The following TENM2 variants were observed in gnomAD, a reference collection of about 807,000 sequenced individuals.
The protein encoded by TENM2 is teneurin-2.
TENM2 carries 52 observed loss-of-function variants against 245.2 expected under a neutral mutation model. That is an observed-to-expected ratio of 0.21 (90% CI 0.17 to 0.27). The LOEUF is 0.27. Ranked by LOEUF, TENM2 falls within the 10% of genes least tolerant of loss-of-function variation. The pLI, the probability that TENM2 is intolerant of heterozygous loss-of-function variation, is 1.00. For synonymous variants in TENM2, 1,363 were observed against 1,438.9 expected, an observed-to-expected ratio of 0.95 and a Z score of 1.19; for missense variants, 3,046 against 3,666.8, an observed-to-expected ratio of 0.83 and a Z score of 4.37.
chr5:167,552,432 T>G (rs1243813752), intron 2 of TENM2, among the ~76,000 whole-genome samples: 1 of 152,222 alleles, frequency 6.6e-6, no homozygotes, highest in Non-Finnish European at 1.5e-5. Context: ...TCATCTAATA[T>G]TTTTGAAACG....
intron 2 of TENM2, among the ~76,000 whole-genome samples, chr5:167,634,570 GC>G (rs1263997834): frequency 6.6e-6 from 1 of 151,008 alleles, no homozygotes; most frequent in Non-Finnish European, 1.5e-5. Flanking sequence ...CACTGCTGGT[GC>G]TAGGACTCAC....
intron 3 of TENM2, among the ~76,000 whole-genome samples, chr5:167,884,966 T>C (rs1368643558): frequency 6.6e-6 from 1 of 152,220 alleles, no homozygotes; most frequent in Non-Finnish European, 1.5e-5. Context: ...TGTGAAATGG[T>C]ATTTCTTCAT....
chr5:168,145,395 A>T (rs1296815942), intron 12 of TENM2, among the ~76,000 whole-genome samples: 2 of 135,126 alleles, frequency 1.5e-5, no homozygotes, highest in South Asian at 2.8e-4. Flanking sequence ...AGCTTTCTAC[A>T]TATGGCTAGC....
chr5:167,258,290 A>G, the TENM2 span, among the ~76,000 whole-genome samples: 1 of 149,604 alleles, frequency 6.7e-6, no homozygotes, highest in Admixed American at 6.7e-5. Flanking sequence ...GAAAGTGTTC[A>G]GTTGCAAGTA....
intron 1 of TENM2, among the ~76,000 whole-genome samples, chr5:167,363,267 G>C (rs1759822481): frequency 6.6e-6 from 1 of 152,170 alleles, no homozygotes; most frequent in Non-Finnish European, 1.5e-5. Context: ...ATGAAACTGA[G>C]ATTTCTGTAG....
chr5:167,102,096 C>A, the TENM2 span, among the ~76,000 whole-genome samples: 1 of 150,392 alleles, frequency 6.6e-6, no homozygotes, highest in East Asian at 2.0e-4. Flanking sequence ...TGTGGTGGCA[C>A]GTGGCTGTAA....
chr5:166,979,194 C>CCAGCAG, the TENM2 span, among the ~76,000 whole-genome samples: 1,110 of 142,102 alleles, frequency 7.8e-3, 5 homozygotes, highest in South Asian at 0.018. Context: ...AGCACCACCA[C>CCAGCAG]CAGCAGCAGC....
At chr5:167,130,334 A>G in the TENM2 span, among the ~76,000 whole-genome samples, 1 of 152,172 alleles carries the variant, frequency 6.6e-6, no homozygotes, top group Non-Finnish European at 1.5e-5. Flanking sequence ...GGATGGGCAA[A>G]AATTATAATC....
In TENM2 at chr5:168,080,426, C is replaced by T. The variant is rs1177941102; in HGVS notation, c.1516-10148C>T. 6.6e-5 allele frequency among the ~76,000 whole-genome samples: 10 copies of T among 152,260 alleles called. 1 individual carries two copies. Among genetic ancestry groups the T allele is most frequent in the African/African-American group, 1.2e-4 (5 of 41,556 alleles). On this transcript the variant is annotated intron_variant, in intron 7 of 28. Coordinates refer to ENST00000518659, the Ensembl canonical transcript of TENM2. ...TTTGAAGGATTTTTTGTGTGTCTAT[C>T]TCCTTCAGTTCTGCTCTGATCTTAG... is the stretch of plus-strand genomic sequence containing the variant.
chr5:168,247,203 G>A lies in TENM2; in HGVS notation c.6264G>A (p.Arg2088=). ...CCGAGGAAGGCATGGTCAATGCCAGGTTTGACTACACCTATCATGACAACA... is the reference window on the plus strand; with the variant it reads ...CCGAGGAAGGCATGGTCAATGCCAGATTTGACTACACCTATCATGACAACA... The change falls in exon 27 of 29, where the codon AGG becomes AGA. Residue 2088 remains arginine, a synonymous_variant. Transcript: ENST00000518659. This position sits in a 1 kb window ranked among gnomAD's most constrained non-coding sequence, Gnocchi z 7.8. The A allele has an allele frequency of 6.2e-7, 1 of 1,613,896 alleles. No individual in the cohort carries two copies. The highest frequency in any genetic ancestry group is 8.5e-7 in the Non-Finnish European group (1 of 1,179,886).
At chr5:167,172,859 G>A in the TENM2 span, among the ~76,000 whole-genome samples, 1 of 151,850 alleles carries the variant, frequency 6.6e-6, no homozygotes, top group Non-Finnish European at 1.5e-5. Context: ...TTTTTTAAAC[G>A]TTTCAATAGA....
intron 3 of TENM2, among the ~76,000 whole-genome samples, chr5:167,878,513 C>G (rs1773610998): frequency 6.6e-6 from 1 of 151,930 alleles, no homozygotes; most frequent in Non-Finnish European, 1.5e-5. Context: ...ATTAGAAATT[C>G]TGGACTCTGG....
intron 20 of TENM2, among the ~76,000 whole-genome samples, chr5:168,212,406 G>A (rs758037044): frequency 6.6e-5 from 10 of 152,158 alleles, no homozygotes; most frequent in South Asian, 4.1e-4. Flanking sequence ...ACACATACAC[G>A]TGCATTCACA....
At chr5:167,467,221 C>T (rs960109126) in intron 2 of TENM2, among the ~76,000 whole-genome samples, 11 of 152,050 alleles carry the variant, frequency 7.2e-5, no homozygotes, top group African/African-American at 2.4e-4. Flanking sequence ...TGAGTTCTCA[C>T]AAGATCTGAT....
chr5:168,051,649 A>G (rs1210888226), intron 6 of TENM2, among the ~76,000 whole-genome samples: 1 of 152,194 alleles, frequency 6.6e-6, no homozygotes, highest in Non-Finnish European at 1.5e-5. Context: ...TGGAAGATGC[A>G]CTATAATATA....
At chr5:167,467,189 A>G (rs933521700) in intron 2 of TENM2, among the ~76,000 whole-genome samples, 2 of 152,110 alleles carry the variant, frequency 1.3e-5, no homozygotes, top group African/African-American at 2.4e-5. Flanking sequence ...GGTTTCTCCC[A>G]TGCTGTTCTC....
At chr5:167,210,493 G>A in the TENM2 span, among the ~76,000 whole-genome samples, 104 of 111,530 alleles carry the variant, frequency 9.3e-4, 1 homozygote, top group East Asian at 0.018. Context: ...GTCTTGCTCT[G>A]TTGCCCAGGC....
chr5:167,929,065 GAAAGAAAGAAAGAAAGAA>G (rs1561945565), intron 3 of TENM2, among the ~76,000 whole-genome samples: 1 of 4,928 alleles, frequency 2.0e-4, no homozygotes, highest in Non-Finnish European at 3.5e-4. Flanking sequence ...AAGAGAGAAA[GAAAGAAAGAAAGAAAGAA>G]AGAAAGAAAG....
intron 4 of TENM2, among the ~76,000 whole-genome samples, chr5:167,981,848 C>T (rs748412084): frequency 6.6e-6 from 1 of 152,010 alleles, no homozygotes; most frequent in Non-Finnish European, 1.5e-5. Context: ...GTGGCGTGCA[C>T]CTGTAATCCC....
Sources: allele counts gnomAD v4.1 joint callset (sites outside exome capture counted in the v4.1 genomes callset), GRCh38; gene constraint gnomAD v4.1.1; non-coding constraint Gnocchi (gnomAD v3.1); transcripts MANE v1.5; gene names NCBI Gene and HGNC (gene_info 2026-07-23, HGNC 2026-07-21).